Variants in VOPP1 observed in about 807,000 individuals in gnomAD.
VOPP1 encodes VOPP1 WW domain binding protein, also known as WW domain binding protein VOPP1.
A neutral mutation model predicts 23.5 loss-of-function variants in VOPP1; 8 were observed. The observed-to-expected ratio is 0.34, with a 90% confidence interval of 0.20 to 0.61. The LOEUF (loss-of-function observed/expected upper bound fraction) is 0.61. Ranked by LOEUF, VOPP1 falls within the 20% of genes least tolerant of loss-of-function variation. The pLI is 0.78. For missense variants in VOPP1, 174 were observed against 238.1 expected (o/e 0.73, Z 1.77); for synonymous variants, 83 against 97.3 (o/e 0.85, Z 0.86).
At position 55,518,315 on chromosome 7, in the gene VOPP1, G is replaced by A. The variant is rs182133416; in HGVS notation, c.113+2757C>T. On this transcript the variant is annotated intron_variant, in intron 2 of 4. Coordinates refer to ENST00000285279, the MANE Select transcript of VOPP1 (RefSeq NM_030796.5). Reference sequence around the variant, plus strand: ...GCTACTGCACGGGTCACTTTAAAACGGTTAATTCTGTTCTTTGAATTTCAC... The same window carrying A: ...GCTACTGCACGGGTCACTTTAAAACAGTTAATTCTGTTCTTTGAATTTCAC... Among the ~76,000 whole-genome samples, 11 of 152,280 alleles carry A rather than the reference G, an allele frequency of 7.2e-5. No individual in the cohort carries two copies. The East Asian group carries it at 1.2e-3, about 16-fold the overall frequency.
chr7:55,531,515 A>G (rs1796497664), intron 1 of VOPP1, among the ~76,000 whole-genome samples: 1 of 151,702 alleles, frequency 6.6e-6, no homozygotes, highest in South Asian at 2.1e-4. Flanking sequence ...ACACCCAACT[A>G]ATTTTTTTGT....
intron 2 of VOPP1, among the ~76,000 whole-genome samples, chr7:55,508,501 T>C (rs1319037343): frequency 1.3e-5 from 2 of 152,170 alleles, no homozygotes. Flanking sequence ...CTCCTGGCCA[T>C]AGTGATCTTC....
At chr7:55,540,093 T>A (rs1163598608) in intron 1 of VOPP1, among the ~76,000 whole-genome samples, 1 of 152,102 alleles carries the variant, frequency 6.6e-6, no homozygotes, top group South Asian at 2.1e-4. Context: ...CATGTCTGTT[T>A]AGCTCATAAA....
At chr7:55,525,605 C>T (rs1006557238) in intron 1 of VOPP1, among the ~76,000 whole-genome samples, 1 of 152,070 alleles carries the variant, frequency 6.6e-6, no homozygotes, top group African/African-American at 2.4e-5. Flanking sequence ...CAGCTAGCAC[C>T]TCTGTCCCTA....
chr7:55,496,778 C>G (rs979128855), intron 3 of VOPP1, among the ~76,000 whole-genome samples: 1 of 152,196 alleles, frequency 6.6e-6, no homozygotes, highest in African/African-American at 2.4e-5. Flanking sequence ...GGTCTTAAAG[C>G]CTCAAAAGGT....
At chr7:55,529,854 G>T (rs537743304) in intron 1 of VOPP1, among the ~76,000 whole-genome samples, 1 of 152,064 alleles carries the variant, frequency 6.6e-6, no homozygotes, top group East Asian at 1.9e-4. Flanking sequence ...AGTCTCTTAC[G>T]TCTGGATTGT....
At chr7:55,438,270 CTGAG>C (rs1247591046) in intron 4 of VOPP1, among the ~76,000 whole-genome samples, 6 of 152,118 alleles carry the variant, frequency 3.9e-5, no homozygotes, top group African/African-American at 1.2e-4. Context: ...ATGTATCCAA[CTGAG>C]TAAGTGCTTA....
At chr7:55,494,101 C>T (rs73137611) in intron 3 of VOPP1, among the ~76,000 whole-genome samples, 12 of 152,170 alleles carry the variant, frequency 7.9e-5, no homozygotes, top group Non-Finnish European at 1.0e-4. Flanking sequence ...CCATGATGGG[C>T]GGAGGGAGCG....
At chr7:55,532,592 C>A (rs1796559217) in intron 1 of VOPP1, among the ~76,000 whole-genome samples, 1 of 152,080 alleles carries the variant, frequency 6.6e-6, no homozygotes, top group South Asian at 2.1e-4. Flanking sequence ...GAAAAACAAA[C>A]AAACAAAAAA....
chr7:55,540,737 C>T (rs1339308404), intron 1 of VOPP1, among the ~76,000 whole-genome samples: 1 of 152,230 alleles, frequency 6.6e-6, no homozygotes, highest in East Asian at 1.9e-4. Context: ...AGGTCTTCAC[C>T]TCCGCTGCGG....
At chr7:55,447,369 C>T (rs1313295797) in intron 4 of VOPP1, among the ~76,000 whole-genome samples, 1 of 152,140 alleles carries the variant, frequency 6.6e-6, no homozygotes, top group African/African-American at 2.4e-5. Context: ...GTTCACGGTG[C>T]GTAAGGTTTG....
chr7:55,492,878 G>A (rs1793681820), intron 3 of VOPP1: 1 of 153,274 alleles, frequency 6.5e-6, no homozygotes, highest in Non-Finnish European at 1.5e-5. Context: ...CCAAGGCAGA[G>A]CACATTTATC....
At chr7:55,500,128 A>C (rs1269680502) in intron 2 of VOPP1, among the ~76,000 whole-genome samples, 1 of 152,156 alleles carries the variant, frequency 6.6e-6, no homozygotes, top group South Asian at 2.1e-4. Flanking sequence ...GGAGTGTGGA[A>C]GGCAGAATGC....
At chr7:55,521,880 C>T (rs917137099) in intron 1 of VOPP1, 17 of 985,536 alleles carry the variant, frequency 1.7e-5, no homozygotes, top group Non-Finnish European at 1.8e-5. Context: ...TGCAGAGATG[C>T]TCTTCCCATC....
chr7:55,534,027 C>T (rs1187501159), intron 1 of VOPP1, among the ~76,000 whole-genome samples: 1 of 152,024 alleles, frequency 6.6e-6, no homozygotes, highest in Non-Finnish European at 1.5e-5. Flanking sequence ...GCAAGGTCAC[C>T]AGCAAACTGT....
chr7:55,446,378 C>T (rs1055004592), intron 4 of VOPP1, among the ~76,000 whole-genome samples: 1 of 152,134 alleles, frequency 6.6e-6, no homozygotes, highest in African/African-American at 2.4e-5. Context: ...GCTGGGAAGT[C>T]CTGTGTGCCC....
intron 1 of VOPP1, among the ~76,000 whole-genome samples, chr7:55,525,251 G>T (rs987584644): frequency 1.4e-4 from 21 of 152,146 alleles, no homozygotes; most frequent in Non-Finnish European, 2.9e-4. Flanking sequence ...AGCACTTTGG[G>T]AGGCCGAGGT....
intron 1 of VOPP1, among the ~76,000 whole-genome samples, chr7:55,549,187 T>C (rs1035622962): frequency 6.6e-5 from 10 of 152,156 alleles, no homozygotes; most frequent in African/African-American, 1.7e-4. Context: ...ACAGGGGAGA[T>C]AGGACCAGTT....
intron 4 of VOPP1, among the ~76,000 whole-genome samples, chr7:55,453,010 G>A (rs1295156959): frequency 6.6e-6 from 1 of 152,066 alleles, no homozygotes; most frequent in Non-Finnish European, 1.5e-5. Flanking sequence ...GTCCTAGATG[G>A]CATCTTCTTC....
Sources: allele counts gnomAD v4.1 joint callset (sites outside exome capture counted in the v4.1 genomes callset), GRCh38; gene constraint gnomAD v4.1.1; transcripts MANE v1.5; gene names NCBI Gene and HGNC (gene_info 2026-07-23, HGNC 2026-07-21).